Variants in ZNF385D observed in about 807,000 individuals in gnomAD.
ZNF385D encodes the protein zinc finger protein 659.
In ZNF385D, 15 loss-of-function variants were observed where a neutral mutation model predicts 35.8. The observed-to-expected ratio is 0.42, with a 90% CI of 0.28 to 0.64. The LOEUF (loss-of-function observed/expected upper bound fraction) is 0.64. Among genes scored for constraint, ZNF385D ranks in the 30% least tolerant of loss-of-function variants. The probability of loss-of-function intolerance (pLI) is 0.23; values close to 1 mark genes in which losing one functional copy is unlikely to be tolerated. For synonymous variants in ZNF385D, 212 were observed against 186.8 expected (o/e 1.13, Z -1.10); for missense variants, 474 against 494.6 (o/e 0.96, Z 0.39).
At chr3:22,144,372 G>C (rs144585646) in intron 3 of ZNF385D, among the ~76,000 whole-genome samples, 1 of 151,980 alleles carries the variant, frequency 6.6e-6, no homozygotes, top group South Asian at 2.1e-4. Context: ...TCAGGAGTTT[G>C]AGACTAGCCT....
intron 2 of ZNF385D, among the ~76,000 whole-genome samples, chr3:21,565,042 A>G (rs1386443321): frequency 2.0e-5 from 3 of 152,188 alleles, no homozygotes; most frequent in Non-Finnish European, 2.9e-5. Flanking sequence ...GTATGTCTAT[A>G]CCATTGCCCA....
In ZNF385D at chr3:21,412,753, G is replaced by A. The variant is rs899777692; in HGVS notation, c.*8461C>T. 1 of 151,982 alleles carries A rather than the reference G, an allele frequency of 6.6e-6. No individual in the cohort carries two copies. The highest frequency in any genetic ancestry group is 1.5e-5 in the Non-Finnish European group (1 of 67,944). 9.4% of individuals were successfully genotyped at this position (151,982 alleles called of 1,614,324 possible). A position where few individuals can be genotyped will look rare whatever the true frequency, so the allele number is the denominator to read the frequency against. On this transcript the variant is annotated 3_prime_UTR_variant, in exon 8 of 8. Transcript: ENST00000281523. ...ACTAAAACTGAAAATTCATCTTAAA[G>A]AATTCCTAATAAAAATAAATATTAA...
intron 3 of ZNF385D, among the ~76,000 whole-genome samples, chr3:21,757,579 C>CA (rs34668468): frequency 5.3e-5 from 8 of 151,770 alleles, no homozygotes; most frequent in African/African-American, 1.7e-4. Flanking sequence ...TTTATTGACT[C>CA]AAAAAAAATA....
intron 4 of ZNF385D, among the ~76,000 whole-genome samples, chr3:21,471,182 C>A (rs1703860068): frequency 6.6e-6 from 1 of 151,924 alleles, no homozygotes. Context: ...AGTTAGGGTT[C>A]CTTTCACTGA....
At chr3:21,687,291 A>T (rs530011486) in intron 1 of ZNF385D, among the ~76,000 whole-genome samples, 1 of 152,306 alleles carries the variant, frequency 6.6e-6, no homozygotes, top group South Asian at 2.1e-4. Context: ...GCTCAAACCC[A>T]AAATATATTA....
chr3:22,259,836 A>G (rs961715009), intron 2 of ZNF385D, among the ~76,000 whole-genome samples: 2 of 113,250 alleles, frequency 1.8e-5, no homozygotes, highest in Non-Finnish European at 3.6e-5. Context: ...CATAGTGAGG[A>G]AAAAAAAAAA....
At chr3:21,854,247 T>C (rs1452540884) in intron 3 of ZNF385D, among the ~76,000 whole-genome samples, 1 of 151,964 alleles carries the variant, frequency 6.6e-6, no homozygotes, top group Non-Finnish European at 1.5e-5. Context: ...TATCATTTCC[T>C]GGCTACAATA....
At position 21,771,443 on chromosome 3, in the gene ZNF385D, C is replaced by T. The variant is rs142676112; in HGVS notation, c.326-106415G>A. On this transcript the variant is annotated intron_variant, in intron 3 of 5. Coordinates refer to the ZNF385D transcript ENST00000494108. ...CCAGTTTTTAGCAAGAAAATAAAAT[C>T]GCAAGACATAAAAAGGAATAGAAAT... Among the ~76,000 whole-genome samples the T allele has an allele frequency of 2.6e-3, 400 of 151,614 alleles. 10 individuals are homozygous for T. Among genetic ancestry groups the T allele is most frequent in the Admixed American group, 0.022 (330 of 15,192 alleles).
intron 4 of ZNF385D, among the ~76,000 whole-genome samples, chr3:21,488,074 G>A (rs190910918): frequency 6.6e-5 from 10 of 151,648 alleles, no homozygotes; most frequent in Non-Finnish European, 1.3e-4. Context: ...TATTTACATC[G>A]TCACACTCTT....
At chr3:22,003,040 C>G (rs1695949663) in intron 3 of ZNF385D, among the ~76,000 whole-genome samples, 3 of 152,162 alleles carry the variant, frequency 2.0e-5, no homozygotes, top group Admixed American at 2.0e-4. Context: ...ACTCTTACCA[C>G]TCTTACTCAG....
At chr3:22,281,209 A>G (rs1417968790) in intron 2 of ZNF385D, among the ~76,000 whole-genome samples, 1 of 151,948 alleles carries the variant, frequency 6.6e-6, no homozygotes, top group Non-Finnish European at 1.5e-5. Context: ...CCTCTTTATC[A>G]GTTTGGATAC....
intron 3 of ZNF385D, among the ~76,000 whole-genome samples, chr3:22,012,053 T>C (rs1696606886): frequency 6.6e-6 from 1 of 152,134 alleles, no homozygotes; most frequent in Non-Finnish European, 1.5e-5. Flanking sequence ...GGGAATTATA[T>C]CAACTTTGTG....
chr3:21,568,459 G>A (rs1160063500), intron 2 of ZNF385D, among the ~76,000 whole-genome samples: 3 of 152,128 alleles, frequency 2.0e-5, no homozygotes, highest in Non-Finnish European at 4.4e-5. Context: ...GAACCAATGG[G>A]TCTGATCTGT....
At chr3:21,763,656 A>C (rs2070712843) in intron 3 of ZNF385D, among the ~76,000 whole-genome samples, 1 of 152,194 alleles carries the variant, frequency 6.6e-6, no homozygotes. Context: ...AATAAAGTGC[A>C]TTGTTTTAGT....
At chr3:21,981,532 A>G (rs4462989) in intron 3 of ZNF385D, among the ~76,000 whole-genome samples, 104,399 of 152,034 alleles carry the variant, frequency 0.69, 36,860 homozygotes, top group African/African-American at 0.83. Flanking sequence ...CCTGTTGATA[A>G]TTTCTTTTGC....
intron 3 of ZNF385D, among the ~76,000 whole-genome samples, chr3:21,854,194 TG>T (rs35865048): frequency 0.2 from 30,778 of 151,824 alleles, 3,312 homozygotes; most frequent in Admixed American, 0.26. Context: ...ATTCTCATCT[TG>T]GGCCGCTCCA....
intron 4 of ZNF385D, among the ~76,000 whole-genome samples, chr3:21,466,265 T>A (rs1403600284): frequency 6.6e-6 from 1 of 152,204 alleles, no homozygotes; most frequent in East Asian, 1.9e-4. Flanking sequence ...AGGGTTTGGT[T>A]CCTGCTTAAT....
At chr3:21,966,052 G>C (rs1384655658) in intron 3 of ZNF385D, among the ~76,000 whole-genome samples, 1 of 152,086 alleles carries the variant, frequency 6.6e-6, no homozygotes, top group African/African-American at 2.4e-5. Flanking sequence ...TTCTTTCCTA[G>C]ATCTTTACTC....
intron 4 of ZNF385D, among the ~76,000 whole-genome samples, chr3:21,461,569 C>CAAACAA (rs142496638): frequency 5.8e-4 from 88 of 152,230 alleles, no homozygotes; most frequent in African/African-American, 2.0e-3. Flanking sequence ...AACAAACAAA[C>CAAACAA]AAACAAATCT....
Sources: gnomAD v4.1 joint callset for allele counts (sites outside exome capture counted in the v4.1 genomes callset) on GRCh38, gnomAD v4.1.1 for gene constraint, MANE v1.5 for transcripts, NCBI Gene and HGNC (gene_info 2026-07-23, HGNC 2026-07-21) for gene names.